Variants in REDIC1 observed in about 807,000 individuals in gnomAD.
REDIC1 encodes the protein regulator of DNA class I crossover intermediates 1.
the REDIC1 span, among the ~76,000 whole-genome samples, chr12:39,699,304 G>A: frequency 6.6e-6 from 1 of 152,192 alleles, no homozygotes; most frequent in East Asian, 1.9e-4. Context: ...AAAGGGGTCA[G>A]GGAGTTCCCT....
chr12:39,827,894 C>G, the REDIC1 span, among the ~76,000 whole-genome samples: 2 of 151,998 alleles, frequency 1.3e-5, no homozygotes, highest in Non-Finnish European at 2.9e-5. Flanking sequence ...TTTCAGGAAA[C>G]AGCTACAGTT....
the REDIC1 span, among the ~76,000 whole-genome samples, chr12:39,862,230 G>A: frequency 2.0e-5 from 3 of 152,148 alleles, no homozygotes; most frequent in Admixed American, 6.5e-5. Context: ...TAGGGTTGTC[G>A]ATCTCTTGAA....
chr12:39,714,992 G>A, the REDIC1 span, among the ~76,000 whole-genome samples: 2 of 151,830 alleles, frequency 1.3e-5, no homozygotes, highest in Non-Finnish European at 2.9e-5. Flanking sequence ...AGATTGTGAA[G>A]ATTTTCTCCC....
the REDIC1 span, among the ~76,000 whole-genome samples, chr12:39,806,876 A>ACAATACTACTCAG: frequency 6.6e-6 from 1 of 152,182 alleles, no homozygotes; most frequent in Non-Finnish European, 1.5e-5. Context: ...TTCATACTAT[A>ACAATACTACTCAG]CAATACTACT....
the REDIC1 span, among the ~76,000 whole-genome samples, chr12:39,664,434 C>T: frequency 6.6e-6 from 1 of 152,080 alleles, no homozygotes; most frequent in African/African-American, 2.4e-5. Flanking sequence ...CATAGTATTC[C>T]ATGGTGTATA....
the REDIC1 span, chr12:39,755,224 A>G: frequency 1.3e-5 from 2 of 152,264 alleles, no homozygotes; most frequent in African/African-American, 4.8e-5. Context: ...GATGACTTTG[A>G]AGGAAATGGT....
chr12:39,830,359 G>A, the REDIC1 span: 1 of 1,443,228 alleles, frequency 6.9e-7, no homozygotes, highest in Non-Finnish European at 9.1e-7. Flanking sequence ...ACTTGTTTTG[G>A]CCAAGGAAAG....
chr12:39,879,659 C>A, the REDIC1 span, among the ~76,000 whole-genome samples: 1 of 152,256 alleles, frequency 6.6e-6, no homozygotes, highest in Non-Finnish European at 1.5e-5. Flanking sequence ...ATGCCTATAC[C>A]CCCAGTGTAT....
chr12:39,890,431 C>T, the REDIC1 span, among the ~76,000 whole-genome samples: 1 of 152,072 alleles, frequency 6.6e-6, no homozygotes, highest in African/African-American at 2.4e-5. Context: ...AGTAAGGTTG[C>T]AGATAGAATT....
the REDIC1 span, among the ~76,000 whole-genome samples, chr12:39,853,713 G>A: frequency 1.3e-5 from 2 of 151,760 alleles, no homozygotes; most frequent in African/African-American, 4.8e-5. Context: ...CAGTATCTGG[G>A]TTGCTGAGAA....
At chr12:39,712,361 CAT>C in the REDIC1 span, among the ~76,000 whole-genome samples, 1 of 128,914 alleles carries the variant, frequency 7.8e-6, no homozygotes, top group Non-Finnish European at 1.6e-5. Flanking sequence ...TACATACATA[CAT>C]ACATATGTAT....
chr12:39,655,237 G>A, the REDIC1 span, among the ~76,000 whole-genome samples: 2 of 151,984 alleles, frequency 1.3e-5, no homozygotes, highest in South Asian at 2.1e-4. Flanking sequence ...CTACACTAAT[G>A]TTTATAATTT....
the REDIC1 span, chr12:39,641,108 C>A: frequency 1.3e-6 from 1 of 763,594 alleles, no homozygotes; most frequent in Non-Finnish European, 2.2e-6. Context: ...TTCCTTTGGT[C>A]TTCTACATCC....
the REDIC1 span, among the ~76,000 whole-genome samples, chr12:39,648,262 T>C: frequency 6.6e-6 from 1 of 151,974 alleles, no homozygotes; most frequent in African/African-American, 2.4e-5. Flanking sequence ...GTGTGTTATA[T>C]AGTAGTTGAA....
At chr12:39,633,788 G>T in the REDIC1 span, among the ~76,000 whole-genome samples, 1 of 152,128 alleles carries the variant, frequency 6.6e-6, no homozygotes, top group African/African-American at 2.4e-5. Flanking sequence ...CGGAACCATC[G>T]TTACGCAGTG....
At chr12:39,905,490 T>G in the REDIC1 span, among the ~76,000 whole-genome samples, 1 of 152,132 alleles carries the variant, frequency 6.6e-6, no homozygotes, top group Non-Finnish European at 1.5e-5. Flanking sequence ...AGTTGCTTCA[T>G]TTTGTGGCAT....
chr12:39,790,461 T>A, the REDIC1 span, among the ~76,000 whole-genome samples: 4 of 149,234 alleles, frequency 2.7e-5, no homozygotes, highest in Non-Finnish European at 5.9e-5. Context: ...TGAGTGAGAA[T>A]ATGCGGTGTT....
At chr12:39,660,344 G>T in the REDIC1 span, among the ~76,000 whole-genome samples, 1 of 152,070 alleles carries the variant, frequency 6.6e-6, no homozygotes, top group African/African-American at 2.4e-5. Context: ...GCTCTGATTA[G>T]GTTCTCTTTC....
At chr12:39,715,738 C>T in the REDIC1 span, among the ~76,000 whole-genome samples, 4 of 151,830 alleles carry the variant, frequency 2.6e-5, no homozygotes, top group Non-Finnish European at 5.9e-5. Flanking sequence ...TTTGCATGCC[C>T]TTTGCTGTAC....
Sources: allele counts gnomAD v4.1 joint callset (sites outside exome capture counted in the v4.1 genomes callset), GRCh38; gene constraint gnomAD v4.1.1; transcripts MANE v1.5; gene names NCBI Gene and HGNC (gene_info 2026-07-23, HGNC 2026-07-21).